The following SUGCT variants were observed in gnomAD, a reference collection of about 807,000 sequenced individuals.
SUGCT encodes succinyl-CoA:glutarate CoA-transferase.
SUGCT carries 41 observed loss-of-function variants against 55.0 expected under a neutral mutation model. That is an observed-to-expected ratio of 0.74 (90% CI 0.58 to 0.97). The LOEUF (loss-of-function observed/expected upper bound fraction) is 0.97. Among genes scored for constraint, SUGCT ranks in the 50% least tolerant of loss-of-function variants. The probability of loss-of-function intolerance (pLI) is 0.00; values close to 1 mark genes in which losing one functional copy is unlikely to be tolerated. For synonymous variants in SUGCT, 187 were observed against 200.4 expected, an observed-to-expected ratio of 0.93 and a Z score of 0.56; for missense variants, 568 against 547.8, an observed-to-expected ratio of 1.04 and a Z score of -0.37.
intron 9 of SUGCT, among the ~76,000 whole-genome samples, chr7:40,348,049 G>T (rs1003331944): frequency 8.5e-5 from 13 of 152,212 alleles, no homozygotes; most frequent in Admixed American, 6.5e-5. Flanking sequence ...TGAGGGGAAG[G>T]CAAGGGTAAA....
At chr7:40,775,433 G>A (rs890152851) in intron 13 of SUGCT, 10 of 152,220 alleles carry the variant, frequency 6.6e-5, no homozygotes, top group African/African-American at 2.2e-4. Context: ...ACAATGCTAA[G>A]AGGTATATCT....
At chr7:40,798,625 CTTG>C (rs1034916128) in intron 13 of SUGCT, among the ~76,000 whole-genome samples, 2 of 152,080 alleles carry the variant, frequency 1.3e-5, no homozygotes, top group African/African-American at 4.8e-5. Context: ...TTAAATAAAT[CTTG>C]TTTTCTTTAT....
At chr7:40,517,030 G>A (rs1193055598) in intron 12 of SUGCT, among the ~76,000 whole-genome samples, 1 of 151,898 alleles carries the variant, frequency 6.6e-6, no homozygotes, top group Non-Finnish European at 1.5e-5. Flanking sequence ...TTTTTAGTAA[G>A]TAAGTCTTTC....
intron 9 of SUGCT, among the ~76,000 whole-genome samples, chr7:40,438,532 A>C (rs114254599): frequency 2.6e-3 from 393 of 152,234 alleles, no homozygotes; most frequent in Middle Eastern, 0.017. Context: ...CACAGCTTCT[A>C]GTGAGAAGGA....
intron 7 of SUGCT, among the ~76,000 whole-genome samples, chr7:40,247,677 A>G (rs957167977): frequency 2.0e-5 from 3 of 152,194 alleles, no homozygotes; most frequent in African/African-American, 4.8e-5. Context: ...TTAGATATCT[A>G]TGTGAACTAT....
intron 13 of SUGCT, among the ~76,000 whole-genome samples, chr7:40,796,654 A>G (rs1257230163): frequency 1.3e-5 from 2 of 152,222 alleles, no homozygotes; most frequent in Non-Finnish European, 2.9e-5. Flanking sequence ...TATATCATAC[A>G]TAGCAGACCA....
chr7:40,413,526 A>C (rs987262069), intron 9 of SUGCT, among the ~76,000 whole-genome samples: 2 of 152,214 alleles, frequency 1.3e-5, no homozygotes, highest in East Asian at 1.9e-4. Flanking sequence ...CTATTTGGGC[A>C]GGAATGTACA....
At chr7:40,544,214 A>G (rs1794864124) in intron 12 of SUGCT, among the ~76,000 whole-genome samples, 1 of 150,174 alleles carries the variant, frequency 6.7e-6, no homozygotes, top group South Asian at 2.1e-4. Context: ...CATTTTCTTA[A>G]TTTGTAGAAA....
intron 9 of SUGCT, among the ~76,000 whole-genome samples, chr7:40,420,916 T>C (rs567083974): frequency 2.4e-4 from 36 of 152,296 alleles, no homozygotes; most frequent in Admixed American, 1.9e-3. Context: ...AGCCTTTCTA[T>C]GGTTTATTGA....
intron 12 of SUGCT, among the ~76,000 whole-genome samples, chr7:40,616,978 T>C (rs1324777482): frequency 1.3e-5 from 2 of 152,218 alleles, no homozygotes; most frequent in East Asian, 3.8e-4. Flanking sequence ...TGGTTTTTAG[T>C]GGATTAAAGG....
intron 1 of SUGCT, among the ~76,000 whole-genome samples, chr7:40,176,784 C>A (rs902591021): frequency 2.6e-5 from 4 of 151,814 alleles, no homozygotes; most frequent in Non-Finnish European, 5.9e-5. Flanking sequence ...ACCAGCCTGG[C>A]CAACATGGCG....
intron 7 of SUGCT, among the ~76,000 whole-genome samples, chr7:40,273,790 T>G (rs929419199): frequency 2.6e-5 from 4 of 152,208 alleles, no homozygotes; most frequent in Non-Finnish European, 5.9e-5. Context: ...GATGAGGTCC[T>G]TAATGAAATA....
intron 1 of SUGCT, among the ~76,000 whole-genome samples, chr7:40,159,355 GT>G (rs910039688): frequency 6.6e-6 from 1 of 151,750 alleles, no homozygotes; most frequent in Admixed American, 6.6e-5. Flanking sequence ...AGGGATTCTA[GT>G]TTTTTTTAAT....
At chr7:40,829,662 G>A (rs1792549525) in intron 13 of SUGCT, among the ~76,000 whole-genome samples, 1 of 152,152 alleles carries the variant, frequency 6.6e-6, no homozygotes, top group African/African-American at 2.4e-5. Flanking sequence ...TGCATGGAGT[G>A]GCATCTCCTT....
chr7:40,962,565 TCA>T, the SUGCT span, among the ~76,000 whole-genome samples: 39,533 of 135,430 alleles, frequency 0.29, 5,402 homozygotes, highest in Middle Eastern at 0.34. Flanking sequence ...CAAAGGTAAA[TCA>T]CACACACACA....
At chr7:40,781,075 C>T (rs528396701) in intron 13 of SUGCT, among the ~76,000 whole-genome samples, 2 of 152,256 alleles carry the variant, frequency 1.3e-5, no homozygotes, top group Non-Finnish European at 2.9e-5. Flanking sequence ...GAAGAATGCT[C>T]ATTTTCCTTT....
intron 3 of SUGCT, among the ~76,000 whole-genome samples, chr7:40,182,307 C>A (rs923170942): frequency 6.6e-6 from 1 of 152,186 alleles, no homozygotes; most frequent in Non-Finnish European, 1.5e-5. Flanking sequence ...TGGTTGACGC[C>A]TGTAATCCCA....
intron 6 of SUGCT, among the ~76,000 whole-genome samples, chr7:40,214,221 C>T (rs1233632271): frequency 2.0e-5 from 3 of 152,142 alleles, no homozygotes; most frequent in African/African-American, 7.2e-5. Context: ...CCCTGCCTTC[C>T]AGACTCTTCT....
intron 12 of SUGCT, among the ~76,000 whole-genome samples, chr7:40,676,699 C>T (rs1406751068): frequency 2.0e-5 from 3 of 151,938 alleles, no homozygotes; most frequent in Admixed American, 1.3e-4. Flanking sequence ...GACGGGGTTT[C>T]ACCATGTTGG....
Sources: gnomAD v4.1 joint callset for allele counts (sites outside exome capture counted in the v4.1 genomes callset) on GRCh38, gnomAD v4.1.1 for gene constraint, MANE v1.5 for transcripts, NCBI Gene and HGNC (gene_info 2026-07-23, HGNC 2026-07-21) for gene names.